Variants in CAMTA1 observed in about 807,000 individuals in gnomAD.
CAMTA1 encodes the protein calmodulin-binding transcription activator 1.
CAMTA1 carries 27 observed loss-of-function variants against 170.9 expected under a neutral mutation model. The observed-to-expected ratio is 0.16, with a 90% CI of 0.12 to 0.22. The LOEUF (loss-of-function observed/expected upper bound fraction) is 0.22. Ranked by LOEUF, CAMTA1 falls within the 10% of genes least tolerant of loss-of-function variation. The pLI, the probability that CAMTA1 is intolerant of heterozygous loss-of-function variation, is 1.00. For missense variants in CAMTA1, 1,619 were observed against 2,217.2 expected (o/e 0.73, Z 5.42); for synonymous variants, 833 against 891.5 (o/e 0.93, Z 1.17).
At chr1:6,923,411 C>T (rs1434070737) in intron 3 of CAMTA1, among the ~76,000 whole-genome samples, 3 of 152,198 alleles carry the variant, frequency 2.0e-5, no homozygotes, top group Admixed American at 6.5e-5. Flanking sequence ...TTTCAGGGAA[C>T]AGAGATGCCC....
intron 7 of CAMTA1, among the ~76,000 whole-genome samples, chr1:7,648,911 G>C (rs778506254): frequency 6.6e-6 from 1 of 152,334 alleles, no homozygotes; most frequent in Admixed American, 6.5e-5. Flanking sequence ...AGCCTCTGGC[G>C]AGAGGCCAGC....
Position 7,641,544 on chromosome 1 carries a change from C to T in CAMTA1, c.664+991C>T, listed in dbSNP as rs1484857904. Among the ~76,000 whole-genome samples the T allele has an allele frequency of 2.0e-5, 3 of 152,162 alleles. No homozygotes were observed. Among genetic ancestry groups the T allele is most frequent in the Non-Finnish European group, 2.9e-5 (2 of 68,016 alleles). On this transcript the variant is annotated intron_variant, in intron 7 of 22. Transcript: ENST00000303635. This position sits in a 1 kb window ranked among gnomAD's most constrained non-coding sequence, Gnocchi z 4.5. ...CCCAGGCTGAGGCTACGGGCACCTG[C>T]GGTGATGCTAATCCTGAGAGTCCCC... is the stretch of plus-strand genomic sequence containing the variant.
At chr1:7,655,148 A>C (rs2095881590) in intron 7 of CAMTA1, among the ~76,000 whole-genome samples, 1 of 145,298 alleles carries the variant, frequency 6.9e-6, no homozygotes, top group Admixed American at 6.9e-5. Flanking sequence ...AAACCCACCT[A>C]TACACACACC....
intron 5 of CAMTA1, among the ~76,000 whole-genome samples, chr1:7,415,276 T>C (rs1262363200): frequency 6.6e-6 from 1 of 151,478 alleles, no homozygotes; most frequent in Non-Finnish European, 1.5e-5. Context: ...CTATTAGGTC[T>C]GCTTGGTGCA....
chr1:6,900,767 T>C (rs1297612314), intron 3 of CAMTA1, among the ~76,000 whole-genome samples: 1 of 152,152 alleles, frequency 6.6e-6, no homozygotes, highest in Non-Finnish European at 1.5e-5. Flanking sequence ...AAAATATCTG[T>C]GAGAGAAATT....
chr1:7,535,284 C>G (rs2094536364), intron 6 of CAMTA1, among the ~76,000 whole-genome samples: 1 of 151,760 alleles, frequency 6.6e-6, no homozygotes, highest in African/African-American at 2.4e-5. Flanking sequence ...GCGATGCCTG[C>G]TGAGGGCTGG....
At chr1:7,228,450 C>A (rs1157422383) in intron 4 of CAMTA1, among the ~76,000 whole-genome samples, 1 of 152,232 alleles carries the variant, frequency 6.6e-6, no homozygotes, top group Admixed American at 6.5e-5. Flanking sequence ...TCACTTCGTG[C>A]TCAGCAGGTG....
At chr1:7,543,950 T>C (rs1376294969) in intron 6 of CAMTA1, among the ~76,000 whole-genome samples, 1 of 152,150 alleles carries the variant, frequency 6.6e-6, no homozygotes, top group Non-Finnish European at 1.5e-5. Flanking sequence ...AAACCAAGCT[T>C]AGTTTAATGC....
chr1:7,489,759 T>C (rs1218768693), intron 6 of CAMTA1, among the ~76,000 whole-genome samples: 2 of 152,212 alleles, frequency 1.3e-5, no homozygotes, highest in African/African-American at 2.4e-5. Flanking sequence ...TCCTTTCCTG[T>C]CCAGCCCTCC....
Position 7,093,556 on chromosome 1 carries a change from C to G in CAMTA1, c.302+2185C>G, listed in dbSNP as rs868434666. 6.6e-6 allele frequency among the ~76,000 whole-genome samples: 1 copy of G among 152,148 alleles called. No individual in the cohort carries two copies. The highest frequency in any genetic ancestry group is 2.1e-4 in the South Asian group (1 of 4,830). ...GACATCTGATTTCAGATACGCAGACCCGTGCTGGGTTTCAGCCACCCTTTG... is the reference window on the plus strand; with the variant it reads ...GACATCTGATTTCAGATACGCAGACGCGTGCTGGGTTTCAGCCACCCTTTG... On this transcript the variant is annotated intron_variant, in intron 4 of 22. Coordinates refer to ENST00000303635, the MANE Select transcript of CAMTA1 (RefSeq NM_015215.4). This position sits in a 1 kb window ranked among gnomAD's most constrained non-coding sequence, Gnocchi z 4.6.
intron 5 of CAMTA1, among the ~76,000 whole-genome samples, chr1:7,257,901 T>C (rs1010022111): frequency 2.6e-5 from 4 of 152,102 alleles, no homozygotes; most frequent in Admixed American, 2.6e-4. Context: ...AGGAAGTGAG[T>C]TGGTTTATCT....
At position 7,216,273 on chromosome 1, in the gene CAMTA1, C is replaced by T. The variant is rs1234236637; in HGVS notation, c.303-33218C>T. 6.6e-6 allele frequency among the ~76,000 whole-genome samples: 1 copy of T among 152,202 alleles called. No homozygotes were observed. The highest frequency in any genetic ancestry group is 1.5e-5 in the Non-Finnish European group (1 of 68,040). Reference sequence around the variant, plus strand: ...ATGATTCAGTCACCTCCCCCAGGCTCTTCCTCCAACACTGGGGATTACAGT... The same window carrying T: ...ATGATTCAGTCACCTCCCCCAGGCTTTTCCTCCAACACTGGGGATTACAGT... On this transcript the variant is annotated intron_variant, in intron 4 of 22. Transcript: ENST00000303635. The surrounding 1 kb of genome is among the most constrained non-coding windows in gnomAD (Gnocchi z 4.0).
chr1:6,822,981 T>C (rs1230161692), intron 2 of CAMTA1, among the ~76,000 whole-genome samples: 4 of 152,154 alleles, frequency 2.6e-5, no homozygotes, highest in Non-Finnish European at 5.9e-5. Flanking sequence ...TACTTCAAAC[T>C]GATAGCTTTC....
chr1:7,683,487 G>A (rs530397779), intron 11 of CAMTA1, among the ~76,000 whole-genome samples: 35 of 152,194 alleles, frequency 2.3e-4, no homozygotes, highest in African/African-American at 7.9e-4. Context: ...GCTCTTTAGG[G>A]GAGCTGGAGA....
At chr1:7,285,332 T>A (rs1358647018) in intron 5 of CAMTA1, among the ~76,000 whole-genome samples, 1 of 152,236 alleles carries the variant, frequency 6.6e-6, no homozygotes, top group East Asian at 1.9e-4. Context: ...CAGCCAAGTC[T>A]GGGACTCGCA....
chr1:7,071,056 C>T (rs1466358618), intron 3 of CAMTA1, among the ~76,000 whole-genome samples: 1 of 152,206 alleles, frequency 6.6e-6, no homozygotes, highest in African/African-American at 2.4e-5. Context: ...GAGAGTGTGC[C>T]AGTCAGAGCC....
chr1:7,599,415 C>T (rs114700387), intron 6 of CAMTA1, among the ~76,000 whole-genome samples: 10,222 of 152,192 alleles, frequency 0.067, 392 homozygotes, highest in Middle Eastern at 0.1. Context: ...ATTGATTTGG[C>T]GATGCGGGCT....
rs1557856221 is a variant in CAMTA1 at position 6,937,556 on chromosome 1, T to TCATCACCATCAC, written c.234+112355_234+112356insCACCATCACCAT. ...CACCATTCACCACTTACCACTACCA[T>TCATCACCATCAC]CATCACCATTCACCACTTACCACCA... is the stretch of plus-strand genomic sequence containing the variant. On this transcript the variant is annotated intron_variant, in intron 3 of 22. Coordinates refer to ENST00000303635, the MANE Select transcript of CAMTA1 (RefSeq NM_015215.4). Among the ~76,000 whole-genome samples, 6 of 902 alleles carry TCATCACCATCAC rather than the reference T, an allele frequency of 6.7e-3. 1 individual carries two copies. Among genetic ancestry groups the TCATCACCATCAC allele is most frequent in the Non-Finnish European group, 9.3e-3 (5 of 540 alleles). 0.6% of individuals were successfully genotyped at this position (902 alleles called of 152,430 possible). A position where few individuals can be genotyped will look rare whatever the true frequency, so the allele number is the denominator to read the frequency against.
intron 4 of CAMTA1, among the ~76,000 whole-genome samples, chr1:7,194,113 A>T (rs961605825): frequency 6.6e-6 from 1 of 152,250 alleles, no homozygotes; most frequent in Non-Finnish European, 1.5e-5. Context: ...ACCTAATAAT[A>T]TGAACTATTT....
Sources: gnomAD v4.1 joint callset for allele counts (sites outside exome capture counted in the v4.1 genomes callset) on GRCh38, gnomAD v4.1.1 for gene constraint, Gnocchi (gnomAD v3.1) non-coding constraint, MANE v1.5 for transcripts, NCBI Gene and HGNC (gene_info 2026-07-23, HGNC 2026-07-21) for gene names.